The following NSD1 variants were observed in gnomAD, a reference collection of about 807,000 sequenced individuals.
NSD1 encodes histone-lysine N-methyltransferase, H3 lysine-36 specific.
Under a neutral mutation model 242.7 loss-of-function variants are expected in NSD1, and 26 were observed. That is an observed-to-expected ratio of 0.11 (90% CI 0.08 to 0.15). NSD1 has a LOEUF of 0.15. Ranked by LOEUF, NSD1 falls within the 10% of genes least tolerant of loss-of-function variation. The pLI, the probability that NSD1 is intolerant of heterozygous loss-of-function variation, is 1.00. For missense variants in NSD1, 2,495 were observed against 3,272.8 expected (o/e 0.76, Z 5.80); for synonymous variants, 1,106 against 1,178.1 (o/e 0.94, Z 1.25).
chr5:177,293,732 G>A (rs1193684515), intron 22 of NSD1, 100 bp from the exon 23 acceptor site: 1 of 1,299,648 alleles, frequency 7.7e-7, no homozygotes, highest in East Asian at 2.3e-5. Flanking sequence ...ACAGTGTGAA[G>A]GAAGGTCATC....
At chr5:177,221,170 G>T in intron 5 of NSD1, 1 of 258,290 alleles carries the variant, frequency 3.9e-6, no homozygotes, top group Non-Finnish European at 7.8e-6. Context: ...ACTGTGGCCT[G>T]TATTTGGCCT....
intron 13 of NSD1, among the ~76,000 whole-genome samples, chr5:177,259,110 CAGGCTT>C (rs1253283303): frequency 2.6e-5 from 4 of 152,234 alleles, no homozygotes; most frequent in Non-Finnish European, 4.4e-5. Flanking sequence ...CCTGGGATTA[CAGGCTT>C]GAGCCACCGC....
rs149092444 is a variant in NSD1, at chr5:177,209,548, A to AT, written c.1237-87dup. ...TGTCTCAAAAAAAAAAAAAAAAGGA[A>AT]TAAAAAAAAAAGCTTCTGATTTCAT... On this transcript the variant is annotated intron_variant, in intron 4 of 22. Transcript: ENST00000439151. The AT allele has an allele frequency of 0.02, 19,456 of 977,934 alleles. 312 individuals carry two copies. The highest frequency in any genetic ancestry group is 0.033 in the Middle Eastern group (107 of 3,286). 60.6% of individuals were successfully genotyped at this position (977,934 alleles called of 1,614,324 possible).
Position 177,282,590 on chromosome 5 carries a change from T to C in NSD1, c.6009+9T>C. ...TGCTCACCCTAGACAAAGTAAGTAATGGGAAATGCTGTTTTCACTGTTACA... is the reference window on the plus strand; with the variant it reads ...TGCTCACCCTAGACAAAGTAAGTAACGGGAAATGCTGTTTTCACTGTTACA... On this transcript the variant is annotated intron_variant, in intron 19 of 22. Coordinates refer to ENST00000439151, the MANE Select transcript of NSD1 (RefSeq NM_022455.5). 1 of 1,519,592 alleles carries C rather than the reference T, an allele frequency of 6.6e-7. No homozygotes were observed. Among genetic ancestry groups the C allele is most frequent in the Non-Finnish European group, 9.1e-7 (1 of 1,093,764 alleles). The allele number at this position is 1,519,592 out of a possible 1,614,324, so 94.1% of individuals were successfully genotyped here. A position where few individuals can be genotyped will look rare whatever the true frequency, so the allele number is the denominator to read the frequency against.
intron 10 of NSD1, among the ~76,000 whole-genome samples, chr5:177,247,239 C>T (rs931592940): frequency 9.2e-5 from 14 of 152,078 alleles, no homozygotes; most frequent in Non-Finnish European, 1.8e-4. Context: ...AGACCAGCCT[C>T]GCCAACATGG....
In NSD1 at chr5:177,135,211, A is replaced by G. The variant is rs549091873; in HGVS notation, c.108A>G (p.Gln36=). 2.9e-5 allele frequency: 47 copies of G among 1,613,506 alleles called. No individual in the cohort carries two copies. Among genetic ancestry groups the G allele is most frequent in the African/African-American group, 6.7e-5 (5 of 75,042 alleles). The change falls in exon 2 of 23, where the codon CAA becomes CAG. Residue 36 remains glutamine (Q), a synonymous_variant. Coordinates refer to ENST00000439151, the MANE Select transcript of NSD1 (RefSeq NM_022455.5). ...AGGACAGCCCTTTCGGTAATGGTCAATCCAATTTTTCTGAGCCACTTAATG... is the reference window on the plus strand; with the variant it reads ...AGGACAGCCCTTTCGGTAATGGTCAGTCCAATTTTTCTGAGCCACTTAATG... ...EDKDSPFGNG[Q]SNFSEPLNGC... is the part of the protein sequence containing the mutation.
In NSD1 at chr5:177,235,836, A is replaced by G. The variant is rs1375719205; in HGVS notation, c.3812A>G (p.Lys1271Arg). The stretch of plus-strand genomic sequence containing the variant: ...CATCTTTTAGCTGTGCGGTCAGAGA[A>G]GAAACGCCTTAGGAAGCCAAGCAAG... The part of the protein sequence containing the change: ...ELPEPAVRSE[K>R]KRLRKPSKWL... Residue 1271 changes from lysine (K) to arginine (R), a missense_variant, in exon 6 of 23, where the codon AAG becomes AGG. Physicochemically the swap from Lys to Arg is conservative, Grantham distance 26. Transcript: ENST00000439151. 6.2e-7 allele frequency: 1 copy of G among 1,614,062 alleles called. No individual in the cohort carries two copies.
In NSD1 at chr5:177,191,957, G is replaced by T; in HGVS notation, c.1001G>T (p.Arg334Leu). The part of the protein sequence containing the change: ...GDLIWAKFKR[R>L]PWWPCRICSD... ...CTCATCTGGGCAAAATTCAAGAGAC[G>T]CCCATGGTGGCCCTGCAGGATTTGT... Residue 334 changes from arginine to leucine, a missense_variant, in exon 3 of 23, where the codon CGC becomes CTC. Arg to Leu is a moderately radical substitution (Grantham distance 102, BLOSUM62 -2). Coordinates refer to ENST00000439151, the MANE Select transcript of NSD1 (RefSeq NM_022455.5). 1 of 1,614,080 alleles carries T rather than the reference G, an allele frequency of 6.2e-7. No individual in the cohort carries two copies. Among genetic ancestry groups the T allele is most frequent in the African/African-American group, 1.3e-5 (1 of 75,038 alleles).
chr5:177,299,748 G>A lies in NSD1; in HGVS notation c.*4289G>A, dbSNP rs1175885337. On this transcript the variant is annotated 3_prime_UTR_variant, in exon 23 of 23. Coordinates refer to ENST00000439151, the MANE Select transcript of NSD1 (RefSeq NM_022455.5). Reference sequence around the variant, plus strand: ...GTTATTGTGGGGCTTCAGGTGTAAGGTCCTGGAAGTTCAGCAAAGTTTCGT... The same window carrying A: ...GTTATTGTGGGGCTTCAGGTGTAAGATCCTGGAAGTTCAGCAAAGTTTCGT... 8.6e-6 allele frequency: 2 copies of A among 233,170 alleles called. No homozygotes were observed. Among genetic ancestry groups the A allele is most frequent in the African/African-American group, 2.2e-5 (1 of 45,318 alleles). 14.4% of individuals were successfully genotyped at this position (233,170 alleles called of 1,614,324 possible).
intron 2 of NSD1, 120 bp from the exon 3 acceptor site, chr5:177,191,764 C>A: frequency 1.0e-6 from 1 of 977,030 alleles, no homozygotes; most frequent in Non-Finnish European, 1.6e-6. Flanking sequence ...TCTTTTTAGG[C>A]TAGAGTGTTT....
intron 2 of NSD1, among the ~76,000 whole-genome samples, chr5:177,139,373 G>A (rs1756618539): frequency 6.6e-6 from 1 of 151,568 alleles, no homozygotes; most frequent in South Asian, 2.1e-4. Context: ...TTGAACCCGG[G>A]AGGCGGAGGT....
chr5:177,159,974 C>A (rs1460506545), intron 2 of NSD1, among the ~76,000 whole-genome samples: 6 of 152,150 alleles, frequency 3.9e-5, no homozygotes, highest in Non-Finnish European at 8.8e-5. Flanking sequence ...ACTGCAACCT[C>A]TGCCTCCCTG....
intron 22 of NSD1, among the ~76,000 whole-genome samples, chr5:177,292,935 A>T (rs1005745998): frequency 6.6e-6 from 1 of 152,216 alleles, no homozygotes; most frequent in Admixed American, 6.5e-5. Flanking sequence ...GAGTTGCAGA[A>T]CGTTAAGAAC....
At chr5:177,138,240 C>G (rs1455502503) in intron 2 of NSD1, among the ~76,000 whole-genome samples, 1 of 151,960 alleles carries the variant, frequency 6.6e-6, no homozygotes, top group Non-Finnish European at 1.5e-5. Context: ...ACTTTATCAC[C>G]TTGAAGAAGC....
chr5:177,137,027 T>C, intron 2 of NSD1: 1 of 511,966 alleles, frequency 2.0e-6, no homozygotes, highest in Non-Finnish European at 3.6e-6. Flanking sequence ...ATGGAGAGTA[T>C]CTTATTTGAG....
At chr5:177,281,034 C>G (rs1033760580) in intron 18 of NSD1, among the ~76,000 whole-genome samples, 200 bp downstream of exon 18, 5 of 152,164 alleles carry the variant, frequency 3.3e-5, no homozygotes, top group Non-Finnish European at 7.3e-5. Flanking sequence ...TTGTATTGAT[C>G]ATGGTCACTG....
chr5:177,172,933 G>T (rs1243274412), intron 2 of NSD1, among the ~76,000 whole-genome samples: 1 of 139,556 alleles, frequency 7.2e-6, no homozygotes, highest in Non-Finnish European at 1.5e-5. Flanking sequence ...CTGTACTCTA[G>T]CCTGGGTAAC....
At chr5:177,182,618 C>T (rs960329539) in intron 2 of NSD1, among the ~76,000 whole-genome samples, 2 of 151,888 alleles carry the variant, frequency 1.3e-5, no homozygotes. Flanking sequence ...CCCTCCCCTC[C>T]CCGCTTTTTA....
At chr5:177,256,156 G>A (rs1387561140) in intron 12 of NSD1, among the ~76,000 whole-genome samples, 3 of 151,960 alleles carry the variant, frequency 2.0e-5, no homozygotes, top group African/African-American at 4.8e-5. Flanking sequence ...GGCCAAAAAC[G>A]TCTCTGTAGG....
Sources: gnomAD v4.1 joint callset for allele counts (sites outside exome capture counted in the v4.1 genomes callset) on GRCh38, gnomAD v4.1.1 for gene constraint, MANE v1.5 for transcripts, NCBI Gene and HGNC (gene_info 2026-07-23, HGNC 2026-07-21) for gene names.